NRDE2: variants seen among roughly 807,000 people sequenced by gnomAD.
NRDE2 encodes NRDE-2, necessary for RNA interference, domain containing, also known as nuclear exosome regulator NRDE2.
A neutral mutation model predicts 124.2 loss-of-function variants in NRDE2; 76 were observed. The ratio of observed to expected loss-of-function variants is 0.61; its 90% CI spans 0.51 to 0.74. The LOEUF (loss-of-function observed/expected upper bound fraction) is 0.74. Ranked by LOEUF, NRDE2 falls within the 30% of genes least tolerant of loss-of-function variation. NRDE2 has a pLI of 0.00. For missense variants in NRDE2, 1,314 were observed against 1,417.3 expected (o/e 0.93, Z 1.17); for synonymous variants, 489 against 528.1 (o/e 0.93, Z 1.01).
intron 4 of NRDE2, among the ~76,000 whole-genome samples, chr14:90,305,626 T>A (rs1884570598): frequency 6.6e-6 from 1 of 152,220 alleles, no homozygotes; most frequent in South Asian, 2.1e-4. Flanking sequence ...TATGGACGGA[T>A]GATCTCAAAA....
Position 90,270,310 on chromosome 14 carries a change from C to A in NRDE2, c.*8026G>T, listed in dbSNP as rs1891629248. The A allele has an allele frequency of 6.2e-7, 1 of 1,613,658 alleles. No individual in the cohort carries two copies. Among genetic ancestry groups the A allele is most frequent in the African/African-American group, 1.3e-5 (1 of 74,926 alleles). ...TGGCTGATGATGTAACCCTGGACGA[C>A]CTGATCATGGCTAAAGATGACCTCT... On this transcript the variant is annotated 3_prime_UTR_variant, in exon 14 of 14. Transcript: ENST00000354366.
rs779670658 is a variant in NRDE2 at position 90,312,476 on chromosome 14, T to C, written c.475A>G (p.Thr159Ala). The C allele has an allele frequency of 6.2e-7, 1 of 1,614,018 alleles. No individual in the cohort carries two copies. Among genetic ancestry groups the C allele is most frequent in the African/African-American group, 1.3e-5 (1 of 74,920 alleles). The change falls in exon 4 of 14, where the codon ACG becomes GCG. Residue 159 changes from threonine to alanine, a missense_variant. Thr to Ala is a moderately conservative substitution (Grantham distance 58, BLOSUM62 0). Coordinates refer to ENST00000354366, the MANE Select transcript of NRDE2 (RefSeq NM_017970.4). ...FVWLEDIQAV[T>A]GETFRTDKKP... ...TTATCTGTTCTGAAGGTTTCTCCCG[T>C]CACAGCCTGAATGTCCTCAAGCCAA...
rs1368240173 is a variant in NRDE2 at position 90,275,813 on chromosome 14, T to C, written c.*2523A>G. The C allele has an allele frequency of 3.3e-5, 5 of 152,230 alleles. No individual in the cohort carries two copies. The highest frequency in any genetic ancestry group is 6.5e-5 in the Admixed American group (1 of 15,280). 9.4% of individuals were successfully genotyped at this position (152,230 alleles called of 1,614,324 possible). On this transcript the variant is annotated 3_prime_UTR_variant, in exon 14 of 14. Transcript: ENST00000354366. ...TTGGAGCCCTTCCTCAGTAGAACAA[T>C]TTAAGGTGAACTCTCCCATCACTCC...
chr14:90,330,014 C>T (rs930327846), intron 1 of NRDE2, among the ~76,000 whole-genome samples: 9 of 151,392 alleles, frequency 5.9e-5, no homozygotes, highest in Non-Finnish European at 1.3e-4. Context: ...CGAGACCAGC[C>T]TGGCCAAAAC....
rs116700647 is a variant in NRDE2, at chr14:90,288,735, G to T, written c.2640C>A (p.His880Gln). 5.0e-6 allele frequency: 8 copies of T among 1,614,146 alleles called. No homozygotes were observed. Among genetic ancestry groups the T allele is most frequent in the Non-Finnish European group, 5.9e-6 (7 of 1,180,020 alleles). The change falls in exon 11 of 14, where the codon CAC (histidine) becomes CAA (glutamine). Residue 880 changes from histidine to glutamine, a missense_variant. His to Gln is a conservative substitution (Grantham distance 24). Coordinates refer to ENST00000354366, the MANE Select transcript of NRDE2 (RefSeq NM_017970.4). The part of the protein sequence containing the change: ...HILKARKAYE[H>Q]ALQDCLGDSC... ...TGTCACCCAAACAGTCCTGCAGTGC[G>T]TGCTCATAAGCCTTTCGCGCTTTCA...
intron 4 of NRDE2, among the ~76,000 whole-genome samples, chr14:90,308,915 G>A (rs1005961128): frequency 6.6e-6 from 1 of 152,070 alleles, no homozygotes; most frequent in African/African-American, 2.4e-5. Context: ...AAATTAAGAA[G>A]TGAGGAGAGT....
In NRDE2 at chr14:90,330,222, T is replaced by TAAATAAATAAATAAATAAATAAATAAA. The variant is rs59818362; in HGVS notation, c.64+1618_64+1619insTTTATTTATTTATTTATTTATTTATTT. On this transcript the variant is annotated intron_variant, in intron 1 of 13. Transcript: ENST00000354366. ...ACTTGGTCTCAAAAAAAAAAATAAA[T>TAAATAAATAAATAAATAAATAAATAAA]AAATAAATAAATAAAAAGAAGTAAT... Among the ~76,000 whole-genome samples the TAAATAAATAAATAAATAAATAAATAAA allele has an allele frequency of 1.1e-3, 161 of 141,640 alleles. 1 individual carries two copies. The highest frequency in any genetic ancestry group is 1.5e-3 in the Non-Finnish European group (98 of 65,944). 92.9% of individuals were successfully genotyped at this position (141,640 alleles called of 152,430 possible). A position where few individuals can be genotyped will look rare whatever the true frequency, so the allele number is the denominator to read the frequency against.
At chr14:90,317,206 G>A (rs987778893) in intron 2 of NRDE2, among the ~76,000 whole-genome samples, 1 of 152,014 alleles carries the variant, frequency 6.6e-6, no homozygotes, top group African/African-American at 2.4e-5. Flanking sequence ...AGGTGCTTGG[G>A]AGTTTGAGAC....
chr14:90,270,459 G>A lies in NRDE2; in HGVS notation c.*7877C>T, dbSNP rs1891632489. ...GGTTGGCCTGGACAGGTGGGTGTCTGTATTTTAATCATCATATTGGTTTAC... is the reference window on the plus strand; with the variant it reads ...GGTTGGCCTGGACAGGTGGGTGTCTATATTTTAATCATCATATTGGTTTAC... On this transcript the variant is annotated 3_prime_UTR_variant, in exon 14 of 14. Coordinates refer to ENST00000354366, the MANE Select transcript of NRDE2 (RefSeq NM_017970.4). 1.3e-5 allele frequency: 16 copies of A among 1,256,958 alleles called. No individual in the cohort carries two copies. Among genetic ancestry groups the A allele is most frequent in the Non-Finnish European group, 1.7e-5 (16 of 932,816 alleles). The allele number at this position is 1,256,958 out of a possible 1,614,324, so 77.9% of individuals were successfully genotyped here.
chr14:90,325,708 T>C (rs1885401852), intron 1 of NRDE2, among the ~76,000 whole-genome samples: 1 of 152,120 alleles, frequency 6.6e-6, no homozygotes, highest in Non-Finnish European at 1.5e-5. Context: ...GTTGTTATTA[T>C]TAGAGTCAGG....
chr14:90,274,839 C>CACACACACACACACACACACA lies in NRDE2; in HGVS notation c.*3496_*3497insTGTGTGTGTGTGTGTGTGTGT, dbSNP rs1566678175. 1 of 121,404 alleles carries CACACACACACACACACACACA rather than the reference C, an allele frequency of 8.2e-6. No individual in the cohort carries two copies. The highest frequency in any genetic ancestry group is 3.0e-5 in the African/African-American group (1 of 33,250). The allele number at this position is 121,404 out of a possible 1,614,324, so 7.5% of individuals were successfully genotyped here. ...ACACACACACACACACACACACACA[C>CACACACACACACACACACACA]CCCAATACATATGAATTGATCTGAA... On this transcript the variant is annotated 3_prime_UTR_variant, in exon 14 of 14. Coordinates refer to ENST00000354366, the MANE Select transcript of NRDE2 (RefSeq NM_017970.4).
Position 90,267,888 on chromosome 14 carries a change from G to T in NRDE2, c.*10448C>A. 1 of 207,522 alleles carries T rather than the reference G, an allele frequency of 4.8e-6. No individual in the cohort carries two copies. The allele number at this position is 207,522 out of a possible 1,614,324, so 12.9% of individuals were successfully genotyped here. A position where few individuals can be genotyped will look rare whatever the true frequency, so the allele number is the denominator to read the frequency against. ...AAAAATGAGATTTATTTCATTACTG[G>T]AATGAAGCAATTCTTCGTACAGGTA... On this transcript the variant is annotated 3_prime_UTR_variant, in exon 14 of 14. Transcript: ENST00000354366.
chr14:90,304,176 G>C lies in NRDE2; in HGVS notation c.764C>G (p.Pro255Arg). ...PPSSEPISFIPVKDLEDAAPV... is the reference protein window; with the variant it reads ...PPSSEPISFIRVKDLEDAAPV... ...AGCCGCATCTTCCAAGTCCTTCACT[G>C]GTATAAAGGAGATGGGCTCAGATGA... The change falls in exon 5 of 14, where the codon CCA (proline) becomes CGA (arginine). Residue 255 changes from proline to arginine, a missense_variant. Coordinates refer to ENST00000354366, the MANE Select transcript of NRDE2 (RefSeq NM_017970.4). 6.2e-7 allele frequency: 1 copy of C among 1,614,130 alleles called. No individual in the cohort carries two copies. Among genetic ancestry groups the C allele is most frequent in the Non-Finnish European group, 8.5e-7 (1 of 1,180,014 alleles).
In NRDE2 at chr14:90,269,738, G is replaced by C; in HGVS notation, c.*8598C>G. The C allele has an allele frequency of 1.9e-6, 1 of 519,450 alleles. No individual in the cohort carries two copies. Among genetic ancestry groups the C allele is most frequent in the Non-Finnish European group, 3.2e-6 (1 of 309,280 alleles). The allele number at this position is 519,450 out of a possible 1,614,324, so 32.2% of individuals were successfully genotyped here. Reference sequence around the variant, plus strand: ...GAGCATGATATGGTCTGTGCACCTTGGCCCTTTGAATTCCAGTCTTATGTC... The same window carrying C: ...GAGCATGATATGGTCTGTGCACCTTCGCCCTTTGAATTCCAGTCTTATGTC... On this transcript the variant is annotated 3_prime_UTR_variant, in exon 14 of 14. Coordinates refer to ENST00000354366, the MANE Select transcript of NRDE2 (RefSeq NM_017970.4).
chr14:90,306,582 G>A (rs996288691), intron 4 of NRDE2, among the ~76,000 whole-genome samples: 1 of 152,074 alleles, frequency 6.6e-6, no homozygotes, highest in Non-Finnish European at 1.5e-5. Context: ...AGGCTGAGGC[G>A]GGTGGATCAC....
chr14:90,289,622 C>G (rs1285884275), intron 10 of NRDE2, among the ~76,000 whole-genome samples: 1 of 152,228 alleles, frequency 6.6e-6, no homozygotes, highest in African/African-American at 2.4e-5. Flanking sequence ...GAGTCTCACT[C>G]TGTCACCCAG....
At chr14:90,290,663 G>A (rs1892251058) in intron 9 of NRDE2, 56 bp from the exon 10 acceptor site, 1 of 1,533,640 alleles carries the variant, frequency 6.5e-7, no homozygotes, top group Non-Finnish European at 8.8e-7. Flanking sequence ...CCGCACATTT[G>A]TCACAATTCT....
At chr14:90,285,011 G>A (rs1399729173) in intron 12 of NRDE2, among the ~76,000 whole-genome samples, 1 of 152,052 alleles carries the variant, frequency 6.6e-6, no homozygotes, top group Non-Finnish European at 1.5e-5. Context: ...GGGCGCAGTG[G>A]CTCACACCTG....
chr14:90,324,417 T>A (rs1328997108), intron 1 of NRDE2, among the ~76,000 whole-genome samples: 2 of 152,126 alleles, frequency 1.3e-5, no homozygotes. Flanking sequence ...GGCTCATGCC[T>A]GCAATCCCAG....
Sources: gnomAD v4.1 joint callset for allele counts (sites outside exome capture counted in the v4.1 genomes callset) on GRCh38, gnomAD v4.1.1 for gene constraint, MANE v1.5 for transcripts, NCBI Gene and HGNC (gene_info 2026-07-23, HGNC 2026-07-21) for gene names.